SCD5: variants seen among roughly 807,000 people sequenced by gnomAD.
The protein encoded by SCD5 is stearoyl-CoA desaturase 5, also known as acyl-CoA-desaturase 4.
SCD5 carries 20 observed loss-of-function variants against 30.4 expected under a neutral mutation model. That is an observed-to-expected ratio of 0.66 (90% CI 0.46 to 0.96). SCD5 has a LOEUF of 0.96. Ranked by LOEUF, SCD5 falls within the 40% of genes least tolerant of loss-of-function variation. The pLI, the probability that SCD5 is intolerant of heterozygous loss-of-function variation, is 0.00. For missense variants in SCD5, 381 were observed against 443.3 expected, an observed-to-expected ratio of 0.86 and a Z score of 1.26; for synonymous variants, 173 against 176.4, an observed-to-expected ratio of 0.98 and a Z score of 0.16.
At chr4:82,766,952 A>G (rs1721506648) in intron 1 of SCD5, among the ~76,000 whole-genome samples, 1 of 152,024 alleles carries the variant, frequency 6.6e-6, no homozygotes, top group Non-Finnish European at 1.5e-5. Context: ...TGCTGGGATT[A>G]CAGGCATGAT....
chr4:82,744,615 C>T (rs1344657516), intron 1 of SCD5, among the ~76,000 whole-genome samples: 2 of 151,984 alleles, frequency 1.3e-5, no homozygotes, highest in South Asian at 2.1e-4. Context: ...GACTTCATGC[C>T]GGGAAGTTGA....
At chr4:82,709,577 A>C (rs1278288424) in intron 1 of SCD5, among the ~76,000 whole-genome samples, 1 of 152,242 alleles carries the variant, frequency 6.6e-6, no homozygotes, top group Non-Finnish European at 1.5e-5. Flanking sequence ...CAACTGAGCA[A>C]GGTCCAGAGG....
intron 3 of SCD5, chr4:82,660,321 CCTA>C (rs1727966506): frequency 2.9e-6 from 1 of 349,694 alleles, no homozygotes; most frequent in Admixed American, 6.0e-5. Context: ...ACCAAGCGGA[CCTA>C]ACAGACATCT....
At chr4:82,717,120 G>A (rs1720244586) in intron 1 of SCD5, among the ~76,000 whole-genome samples, 2 of 151,720 alleles carry the variant, frequency 1.3e-5, no homozygotes, top group African/African-American at 2.4e-5. Context: ...CATACTGAAG[G>A]ATCACTGTAT....
At chr4:82,644,499 C>T (rs1037418684) in intron 3 of SCD5, among the ~76,000 whole-genome samples, 5 of 152,214 alleles carry the variant, frequency 3.3e-5, no homozygotes, top group Non-Finnish European at 5.9e-5. Flanking sequence ...ACATGACAAG[C>T]ACTCCTAAAT....
At chr4:82,699,562 T>C (rs1237880225) in intron 2 of SCD5, among the ~76,000 whole-genome samples, 1 of 32,054 alleles carries the variant, frequency 3.1e-5, no homozygotes, top group Non-Finnish European at 5.1e-5. Flanking sequence ...TTTTGTTTTT[T>C]GTTTTTTGTT....
chr4:82,742,947 G>T (rs1720908038), intron 1 of SCD5, among the ~76,000 whole-genome samples: 1 of 152,084 alleles, frequency 6.6e-6, no homozygotes, highest in Non-Finnish European at 1.5e-5. Context: ...TACCCACCCA[G>T]TCCTGGGGAT....
At chr4:82,720,722 T>C (rs1720353335) in intron 1 of SCD5, among the ~76,000 whole-genome samples, 1 of 152,190 alleles carries the variant, frequency 6.6e-6, no homozygotes, top group South Asian at 2.1e-4. Context: ...CAACTGAGTC[T>C]TTCCTCAGGC....
chr4:82,777,139 A>G (rs1477471069), intron 1 of SCD5, among the ~76,000 whole-genome samples: 2 of 152,164 alleles, frequency 1.3e-5, no homozygotes, highest in East Asian at 3.9e-4. Flanking sequence ...GAGCACCTTA[A>G]TTAATTAGCC....
intron 1 of SCD5, among the ~76,000 whole-genome samples, chr4:82,781,809 GTAT>G (rs1360383732): frequency 6.6e-6 from 1 of 152,138 alleles, no homozygotes; most frequent in African/African-American, 2.4e-5. Context: ...CCACCTTCCA[GTAT>G]TATGGAAAAT....
intron 1 of SCD5, among the ~76,000 whole-genome samples, chr4:82,763,451 C>A (rs1209898142): frequency 2.0e-5 from 3 of 152,320 alleles, no homozygotes; most frequent in African/African-American, 7.2e-5. Flanking sequence ...GCAGAGGTTG[C>A]AGTGAGCGGA....
rs1007507040 is a variant in SCD5, at chr4:82,687,063, C to T, written c.364-6151G>A. Among the ~76,000 whole-genome samples the T allele has an allele frequency of 2.4e-4, 37 of 151,520 alleles. 1 individual carries two copies. The highest frequency in any genetic ancestry group is 8.3e-4 in the South Asian group (4 of 4,802). ...GTGGGCACCTGTAATCCCAGCTACT[C>T]GGGTGGCTGAGGCAGGAGAATCGCT... On this transcript the variant is annotated intron_variant, in intron 2 of 4. Coordinates refer to ENST00000319540, the MANE Select transcript of SCD5 (RefSeq NM_001037582.3).
chr4:82,747,549 C>T (rs1305325751), intron 1 of SCD5, among the ~76,000 whole-genome samples: 1 of 152,220 alleles, frequency 6.6e-6, no homozygotes, highest in Non-Finnish European at 1.5e-5. Context: ...ATAACCGTAG[C>T]TTCCTCACAG....
At chr4:82,680,602 GC>G in intron 3 of SCD5, 104 bp downstream of exon 3, 1 of 1,008,852 alleles carries the variant, frequency 9.9e-7, no homozygotes, top group East Asian at 2.5e-5. Context: ...AATTGTTAGG[GC>G]AAATGCTTGA....
At chr4:82,750,807 G>A (rs1721086681) in intron 1 of SCD5, among the ~76,000 whole-genome samples, 1 of 152,246 alleles carries the variant, frequency 6.6e-6, no homozygotes, top group Non-Finnish European at 1.5e-5. Context: ...TAAGGCCAAA[G>A]TGAAGTTGTT....
At chr4:82,764,899 G>C (rs1303904856) in intron 1 of SCD5, among the ~76,000 whole-genome samples, 1 of 151,850 alleles carries the variant, frequency 6.6e-6, no homozygotes, top group African/African-American at 2.4e-5. Context: ...GCTAATTTTT[G>C]TATTTTTAGA....
At chr4:82,693,092 G>T (rs1270622950) in intron 2 of SCD5, among the ~76,000 whole-genome samples, 1 of 152,200 alleles carries the variant, frequency 6.6e-6, no homozygotes, top group Non-Finnish European at 1.5e-5. Flanking sequence ...TCTAACCAGT[G>T]AGGTAGGCAC....
At chr4:82,729,392 GC>G (rs1390668056) in intron 1 of SCD5, among the ~76,000 whole-genome samples, 4 of 152,128 alleles carry the variant, frequency 2.6e-5, no homozygotes, top group Admixed American at 6.5e-5. Flanking sequence ...ATTATAGTCA[GC>G]GATGCTTTCT....
intron 1 of SCD5, among the ~76,000 whole-genome samples, chr4:82,722,114 A>G (rs1479977160): frequency 1.3e-5 from 2 of 152,250 alleles, no homozygotes; most frequent in South Asian, 4.1e-4. Context: ...ACCTCTGTAG[A>G]AGATTTACTT....
Sources: gnomAD v4.1 joint callset for allele counts (sites outside exome capture counted in the v4.1 genomes callset) on GRCh38, gnomAD v4.1.1 for gene constraint, MANE v1.5 for transcripts, NCBI Gene and HGNC (gene_info 2026-07-23, HGNC 2026-07-21) for gene names.